P2RX6: variants seen among roughly 807,000 people sequenced by gnomAD.
The protein encoded by P2RX6 is purinergic receptor P2X 6.
A neutral mutation model predicts 54.2 loss-of-function variants in P2RX6; 62 were observed. The observed-to-expected ratio is 1.14, with a 90% CI of 0.93 to 1.41. P2RX6 has a LOEUF of 1.41. P2RX6 is among the 40% of genes most tolerant of loss of function. The pLI, the probability that P2RX6 is intolerant of heterozygous loss-of-function variation, is 0.00. For missense variants in P2RX6, 541 were observed against 566.3 expected, an observed-to-expected ratio of 0.96 and a Z score of 0.45; for synonymous variants, 211 against 231.9, an observed-to-expected ratio of 0.91 and a Z score of 0.82.
chr22:21,014,458 G>C (rs1288429024), upstream of P2RX6, among the ~76,000 whole-genome samples: 1 of 152,212 alleles, frequency 6.6e-6, no homozygotes, highest in Non-Finnish European at 1.5e-5. Context: ...CTCCTCGCCT[G>C]AGAGGATAAA....
intron 8 of P2RX6, among the ~76,000 whole-genome samples, chr22:21,024,887 T>TTTTG (rs1424176060): frequency 6.8e-6 from 1 of 147,188 alleles, no homozygotes; most frequent in Non-Finnish European, 1.5e-5. Flanking sequence ...TGTTTTTTTT[T>TTTTG]TTTTTTTTTT....
rs766399355 is a variant in P2RX6 at position 21,022,737 on chromosome 22, GCACA to G, written c.454_457del (p.His152AlafsTer4). 1.3e-6 allele frequency: 2 copies of G among 1,574,570 alleles called. No individual in the cohort carries two copies. The highest frequency in any genetic ancestry group is 2.7e-5 in the African/African-American group (2 of 73,576). ...GAGGACTGCCCCGAAGGGGAGGGAG[GCACA>G]CACAGCCACGGTAACTGTGGGCTCT... On this transcript the variant is annotated frameshift_variant, in exon 4 of 12. Transcript: ENST00000413302. LOFTEE classifies it high-confidence loss of function.
chr22:21,014,747 A>T (rs2075280), upstream of P2RX6, among the ~76,000 whole-genome samples: 3,338 of 152,226 alleles, frequency 0.022, 192 homozygotes, highest in East Asian at 0.18. Context: ...AGGAACCTCC[A>T]TCCCCATCTT....
At chr22:21,019,041 T>C (rs554200337) in intron 3 of P2RX6, among the ~76,000 whole-genome samples, 1 of 152,336 alleles carries the variant, frequency 6.6e-6, no homozygotes, top group African/African-American at 2.4e-5. Flanking sequence ...TCCCCTTGCC[T>C]GGGGATGTCC....
chr22:21,026,881 A>C lies in P2RX6; in HGVS notation c.*264A>C. On this transcript the variant is annotated 3_prime_UTR_variant, in exon 12 of 12. Transcript: ENST00000413302. The surrounding 1 kb of genome is among the most constrained non-coding windows in gnomAD (Gnocchi z 4.0). Reference sequence around the variant, plus strand: ...ACCTGTATTGCAGGGCTCCGACTGCATGTGGCAGGGGCTCCTGCTGCGTCT... The same window carrying C: ...ACCTGTATTGCAGGGCTCCGACTGCCTGTGGCAGGGGCTCCTGCTGCGTCT... 1 of 602,598 alleles carries C rather than the reference A, an allele frequency of 1.7e-6. No individual in the cohort carries two copies. Among genetic ancestry groups the C allele is most frequent in the Non-Finnish European group, 2.8e-6 (1 of 360,842 alleles). The allele number at this position is 602,598 out of a possible 1,614,324, so 37.3% of individuals were successfully genotyped here. A position where few individuals can be genotyped will look rare whatever the true frequency, so the allele number is the denominator to read the frequency against.
chr22:21,026,200 G>A lies in P2RX6; in HGVS notation c.1051-52G>A. 1 of 1,545,058 alleles carries A rather than the reference G, an allele frequency of 6.5e-7. No individual in the cohort carries two copies. The highest frequency in any genetic ancestry group is 8.8e-7 in the Non-Finnish European group (1 of 1,138,470). On this transcript the variant is annotated intron_variant, in intron 10 of 11. Coordinates refer to ENST00000413302, the MANE Select transcript of P2RX6 (RefSeq NM_005446.5). This position sits in a 1 kb window ranked among gnomAD's most constrained non-coding sequence, Gnocchi z 4.0. ...TCTCGGGGTGCAGGCTGGGGAGGTG[G>A]CAGGAGAGCAGGCTCGGGGGCTGGA... is the stretch of plus-strand genomic sequence containing the variant.
chr22:21,026,078 T>G lies in P2RX6; in HGVS notation c.1050+2T>G. The G allele has an allele frequency of 1.2e-6, 2 of 1,608,942 alleles. No homozygotes were observed. Among genetic ancestry groups the G allele is most frequent in the Non-Finnish European group, 8.5e-7 (1 of 1,178,268 alleles). On this transcript the variant is annotated splice_donor_variant, in intron 10 of 11. Transcript: ENST00000413302. LOFTEE classifies it high-confidence loss of function. This position sits in a 1 kb window ranked among gnomAD's most constrained non-coding sequence, Gnocchi z 4.0. ...ACCGGGGCAGCTTGGCTGGGCGTGG[T>G]GAGTGCGAGCACTGTGGGCACCTGC...
intron 1 of P2RX6, among the ~76,000 whole-genome samples, chr22:21,015,569 C>T (rs997542497): frequency 3.9e-5 from 6 of 152,072 alleles, no homozygotes; most frequent in South Asian, 2.1e-4. Context: ...CCCACCCAGG[C>T]CCCACCCAGG....
chr22:21,025,821 TG>T lies in P2RX6; in HGVS notation c.910del (p.Glu304SerfsTer175). 6.4e-7 allele frequency: 1 copy of T among 1,561,412 alleles called. No individual in the cohort carries two copies. The highest frequency in any genetic ancestry group is 1.9e-5 in the Admixed American group (1 of 52,352). On this transcript the variant is annotated frameshift_variant, in exon 9 of 12. Coordinates refer to ENST00000413302, the MANE Select transcript of P2RX6 (RefSeq NM_005446.5). LOFTEE classifies it high-confidence loss of function. ...SYNFRTATHW[W>X]EQPGVEARTL... Reference sequence around the variant, plus strand: ...TGCCCACAGGACAGCCACTCACTGGTGGGAGCAACCGGGTGTGGAGGCCCGC... The same window carrying T: ...TGCCCACAGGACAGCCACTCACTGGTGGAGCAACCGGGTGTGGAGGCCCGC...
chr22:21,021,373 G>T (rs76842692), intron 3 of P2RX6, among the ~76,000 whole-genome samples: 4,495 of 152,234 alleles, frequency 0.03, 234 homozygotes, highest in African/African-American at 0.1. Context: ...CACTTGGGCT[G>T]CTGGGCATAG....
Position 21,023,372 on chromosome 22 carries a change from CT to C in P2RX6, c.737del (p.Leu246ProfsTer19). On this transcript the variant is annotated frameshift_variant, in exon 7 of 12. Transcript: ENST00000413302. LOFTEE classifies it high-confidence loss of function. ...PYCPVFRIGDLVAKAGGTFED... is the reference protein window; with the variant it reads ...PYCPVFRIGDXVAKAGGTFED... Reference sequence around the variant, plus strand: ...CTGTCCCGTGTTCCGCATTGGGGACCTCGTGGCCAAGGCTGGAGGGACCTTC... The same window carrying C: ...CTGTCCCGTGTTCCGCATTGGGGACCCGTGGCCAAGGCTGGAGGGACCTTC... 2 of 1,614,012 alleles carry C rather than the reference CT, an allele frequency of 1.2e-6. No homozygotes were observed. Among genetic ancestry groups the C allele is most frequent in the Non-Finnish European group, 1.7e-6 (2 of 1,179,894 alleles).
intron 3 of P2RX6, among the ~76,000 whole-genome samples, chr22:21,019,701 T>C (rs1369506183): frequency 6.6e-6 from 1 of 152,244 alleles, no homozygotes; most frequent in African/African-American, 2.4e-5. Context: ...ATCAGGGGTA[T>C]CACAGCCTTC....
chr22:21,017,891 G>A (rs778826674), intron 2 of P2RX6, 98 bp from the exon 3 acceptor site: 1 of 758,620 alleles, frequency 1.3e-6, no homozygotes, highest in Non-Finnish European at 2.4e-6. Flanking sequence ...ATGACTTGAT[G>A]GGGCCAACAT....
At chr22:21,009,809 C>T (rs1925638817) in exon 1 of P2RX6, 1 of 157,292 alleles carries the variant, frequency 6.4e-6, no homozygotes, top group Non-Finnish European at 1.4e-5. Flanking sequence ...GAAGCAAGGA[C>T]TCAGGGCATT....
chr22:21,012,672 A>C (rs1334487294), upstream of P2RX6: 1 of 471,550 alleles, frequency 2.1e-6, no homozygotes, highest in African/African-American at 2.0e-5. Flanking sequence ...GGACAGACAG[A>C]GCAAACACAC....
At chr22:21,017,929 C>A in intron 2 of P2RX6, 60 bp from the exon 3 acceptor site, 3 of 1,082,100 alleles carry the variant, frequency 2.8e-6, no homozygotes, top group South Asian at 1.3e-5. Context: ...AGGCTGCCGG[C>A]TTCCGGCCTT....
chr22:21,022,304 G>A (rs1927542782), intron 3 of P2RX6, among the ~76,000 whole-genome samples: 1 of 152,220 alleles, frequency 6.6e-6, no homozygotes, highest in Non-Finnish European at 1.5e-5. Context: ...AGCCCGGGAG[G>A]GCGAGGCTGT....
intron 8 of P2RX6, among the ~76,000 whole-genome samples, chr22:21,023,898 A>G (rs1366472573): frequency 6.7e-6 from 1 of 150,264 alleles, no homozygotes; most frequent in Non-Finnish European, 1.5e-5. Context: ...CGCTTCTAGT[A>G]TCTCCCCTCC....
At chr22:21,021,202 C>G (rs1927344041) in intron 3 of P2RX6, among the ~76,000 whole-genome samples, 1 of 152,112 alleles carries the variant, frequency 6.6e-6, no homozygotes. Flanking sequence ...GTCTCGAACT[C>G]CTGAGCTCAG....
Sources: allele counts gnomAD v4.1 joint callset (sites outside exome capture counted in the v4.1 genomes callset), GRCh38; gene constraint gnomAD v4.1.1; non-coding constraint Gnocchi (gnomAD v3.1); transcripts MANE v1.5; gene names NCBI Gene and HGNC (gene_info 2026-07-23, HGNC 2026-07-21).